CSMD1: variants seen among roughly 807,000 people sequenced by gnomAD.
CSMD1 encodes CUB and sushi domain-containing protein 1.
In CSMD1, 213 loss-of-function variants were observed where a neutral mutation model predicts 417.5. The ratio of observed to expected loss-of-function variants is 0.51; its 90% CI spans 0.46 to 0.57. The LOEUF (loss-of-function observed/expected upper bound fraction) is 0.57. CSMD1 is among the 20% of genes least tolerant of loss of function. CSMD1 has a pLI of 0.00. For synonymous variants in CSMD1, 2,862 were observed against 1,736.8 expected, an observed-to-expected ratio of 1.65 and a Z score of -16.11; for missense variants, 6,923 against 4,529.7, an observed-to-expected ratio of 1.53 and a Z score of -15.17.
At chr8:4,938,109 T>A (rs1807746007) in intron 1 of CSMD1, among the ~76,000 whole-genome samples, 1 of 152,134 alleles carries the variant, frequency 6.6e-6, no homozygotes, top group Admixed American at 6.6e-5. Flanking sequence ...CAAAGAATTT[T>A]AAGTTAATAA....
At chr8:4,070,810 G>A (rs995438375) in intron 3 of CSMD1, among the ~76,000 whole-genome samples, 1 of 152,144 alleles carries the variant, frequency 6.6e-6, no homozygotes, top group Non-Finnish European at 1.5e-5. Context: ...CTGATTTTCT[G>A]ACTCACCCTC....
chr8:4,714,643 C>T (rs76698363), intron 1 of CSMD1, among the ~76,000 whole-genome samples: 3 of 2,910 alleles, frequency 1.0e-3, no homozygotes, highest in African/African-American at 5.3e-3. Context: ...CAGGCCCTTT[C>T]CCCAGAAAGA....
intron 3 of CSMD1, among the ~76,000 whole-genome samples, chr8:4,180,815 TCCAA>T (rs1798327715): frequency 6.6e-6 from 1 of 152,180 alleles, no homozygotes; most frequent in African/African-American, 2.4e-5. Context: ...AGTTCACAAA[TCCAA>T]CCAACCAAAA....
At chr8:3,520,727 T>G (rs537179853) in intron 10 of CSMD1, among the ~76,000 whole-genome samples, 1 of 152,044 alleles carries the variant, frequency 6.6e-6, no homozygotes, top group African/African-American at 2.4e-5. Flanking sequence ...GCCCACCTTT[T>G]TTTGTGTGTA....
chr8:3,157,550 G>C (rs1373027522), intron 39 of CSMD1, among the ~76,000 whole-genome samples: 1 of 152,178 alleles, frequency 6.6e-6, no homozygotes, highest in African/African-American at 2.4e-5. Flanking sequence ...GGTCTATACA[G>C]AAAACTCCCC....
intron 12 of CSMD1, among the ~76,000 whole-genome samples, chr8:3,431,298 G>A (rs1299801672): frequency 6.6e-6 from 1 of 152,050 alleles, no homozygotes; most frequent in African/African-American, 2.4e-5. Flanking sequence ...CACTAATCTT[G>A]TCTAACCCTG....
intron 2 of CSMD1, among the ~76,000 whole-genome samples, chr8:4,600,206 C>A (rs971338803): frequency 1.6e-5 from 2 of 127,612 alleles, no homozygotes; most frequent in Non-Finnish European, 3.4e-5. Context: ...ATTTCCATAT[C>A]TGGCCATGGA....
At position 3,151,397 on chromosome 8, in the gene CSMD1, C is replaced by T; in HGVS notation, c.6031G>A (p.Gly2011Ser). Residue 2011 changes from glycine to serine, a missense_variant and splice_region_variant, in exon 40 of 70, where the codon GGT (glycine) becomes AGT (serine). Coordinates refer to ENST00000635120, the MANE Select transcript of CSMD1 (RefSeq NM_033225.6). The stretch of plus-strand genomic sequence containing the variant: ...AGGAATTGGTAACATTTTCACTTAC[C>T]ATAGCCGATGGGTAATGAGATCCTC... ...TWRISLPIGY[G>S]AHIQFLNFST... is the part of the protein sequence containing the mutation. The T allele has an allele frequency of 6.3e-7, 1 of 1,595,924 alleles. No individual in the cohort carries two copies. The highest frequency in any genetic ancestry group is 1.1e-5 in the South Asian group (1 of 90,064).
intron 25 of CSMD1, among the ~76,000 whole-genome samples, chr8:3,293,700 G>T (rs1803751793): frequency 6.6e-6 from 1 of 152,114 alleles, no homozygotes; most frequent in African/African-American, 2.4e-5. Context: ...GGACTTCTGT[G>T]CATTGGTTAT....
At chr8:3,139,601 A>C (rs1322949439) in intron 41 of CSMD1, among the ~76,000 whole-genome samples, 2 of 152,180 alleles carry the variant, frequency 1.3e-5, no homozygotes, top group Non-Finnish European at 2.9e-5. Flanking sequence ...GTAGAAATTG[A>C]GAATGTTTAC....
At chr8:4,187,230 A>C (rs3990318) in intron 3 of CSMD1, among the ~76,000 whole-genome samples, 1 of 152,148 alleles carries the variant, frequency 6.6e-6, no homozygotes, top group Non-Finnish European at 1.5e-5. Context: ...AATAATATGG[A>C]ACTTTAACAT....
intron 41 of CSMD1, among the ~76,000 whole-genome samples, chr8:3,133,481 G>A (rs928992513): frequency 6.6e-6 from 1 of 152,140 alleles, no homozygotes; most frequent in African/African-American, 2.4e-5. Flanking sequence ...GGCGCCCCTG[G>A]GAGCAGAAGG....
chr8:4,245,278 C>CAT (rs1802635577), intron 3 of CSMD1, among the ~76,000 whole-genome samples: 1 of 152,148 alleles, frequency 6.6e-6, no homozygotes. Context: ...TATAACTCTA[C>CAT]ATATGTTAAC....
chr8:3,861,093 G>C (rs1157799731), intron 5 of CSMD1, among the ~76,000 whole-genome samples: 1 of 152,096 alleles, frequency 6.6e-6, no homozygotes, highest in Non-Finnish European at 1.5e-5. Context: ...CCAACTTCTA[G>C]TGAGCTCGAA....
chr8:2,995,650 C>T (rs759275645), intron 54 of CSMD1, among the ~76,000 whole-genome samples: 4 of 152,218 alleles, frequency 2.6e-5, no homozygotes, highest in South Asian at 4.1e-4. Context: ...TCAACCCAGA[C>T]GTCCTTCAAT....
In CSMD1 at chr8:3,922,950, G is replaced by C. The variant is rs527430687; in HGVS notation, c.818+74953C>G. Among the ~76,000 whole-genome samples, 9 of 152,274 alleles carry C rather than the reference G, an allele frequency of 5.9e-5. No individual in the cohort carries two copies. The East Asian group carries it at 1.7e-3, about 29-fold the overall frequency. ...ACAAATACCGAAACAGATTGTGTGA[G>C]CCCCTTGAGGTGTTCATCCAGGGCT... is the stretch of plus-strand genomic sequence containing the variant. On this transcript the variant is annotated intron_variant, in intron 5 of 69. Coordinates refer to ENST00000635120, the MANE Select transcript of CSMD1 (RefSeq NM_033225.6).
chr8:4,422,819 A>G (rs1417317184), intron 2 of CSMD1, among the ~76,000 whole-genome samples: 5 of 152,160 alleles, frequency 3.3e-5, no homozygotes, highest in African/African-American at 1.2e-4. Context: ...CAAGATACGA[A>G]TTATACACGA....
chr8:3,849,703 G>C (rs546683109), intron 5 of CSMD1, among the ~76,000 whole-genome samples: 2 of 152,116 alleles, frequency 1.3e-5, no homozygotes, highest in Non-Finnish European at 2.9e-5. Flanking sequence ...AATCAGGATC[G>C]GCACAGGAAA....
At chr8:4,914,828 A>G (rs1805943065) in intron 1 of CSMD1, among the ~76,000 whole-genome samples, 1 of 152,168 alleles carries the variant, frequency 6.6e-6, no homozygotes, top group Non-Finnish European at 1.5e-5. Flanking sequence ...AGGCCTGTGG[A>G]CATCAGGGAG....
Sources: gnomAD v4.1 joint callset for allele counts (sites outside exome capture counted in the v4.1 genomes callset) on GRCh38, gnomAD v4.1.1 for gene constraint, MANE v1.5 for transcripts, NCBI Gene and HGNC (gene_info 2026-07-23, HGNC 2026-07-21) for gene names.